Variants in ERBB4 observed in about 807,000 individuals in gnomAD.
The protein encoded by ERBB4 is receptor tyrosine-protein kinase erbB-4.
A neutral mutation model predicts 158.0 loss-of-function variants in ERBB4; 42 were observed. That is an observed-to-expected ratio of 0.27 (90% CI 0.21 to 0.34). ERBB4 has a LOEUF of 0.34. Among genes scored for constraint, ERBB4 ranks in the 10% least tolerant of loss-of-function variants. The pLI is 1.00. For synonymous variants in ERBB4, 583 were observed against 558.7 expected, an observed-to-expected ratio of 1.04 and a Z score of -0.61; for missense variants, 1,333 against 1,624.1, an observed-to-expected ratio of 0.82 and a Z score of 3.08.
chr2:211,852,939 T>C (rs537243234), intron 3 of ERBB4, among the ~76,000 whole-genome samples: 1 of 152,108 alleles, frequency 6.6e-6, no homozygotes, highest in East Asian at 1.9e-4. Flanking sequence ...TCATCACCTC[T>C]GGCATACTAT....
intron 2 of ERBB4, among the ~76,000 whole-genome samples, chr2:212,057,825 G>T (rs2077628697): frequency 6.6e-6 from 1 of 152,180 alleles, no homozygotes; most frequent in Admixed American, 6.5e-5. Context: ...ACAAGAGAAA[G>T]CAGGAAAGAT....
At chr2:212,135,181 T>C (rs1309157013) in intron 1 of ERBB4, among the ~76,000 whole-genome samples, 1 of 152,150 alleles carries the variant, frequency 6.6e-6, no homozygotes, top group Non-Finnish European at 1.5e-5. Context: ...TTTACCTCTT[T>C]TGTTGATTAC....
intron 20 of ERBB4, among the ~76,000 whole-genome samples, chr2:211,520,190 A>G (rs1421320007): frequency 2.0e-5 from 3 of 152,156 alleles, no homozygotes; most frequent in Non-Finnish European, 4.4e-5. Context: ...CAGTTCATTC[A>G]AAAGGAATGG....
chr2:211,838,939 T>C (rs1422642130), intron 3 of ERBB4, among the ~76,000 whole-genome samples: 1 of 152,042 alleles, frequency 6.6e-6, no homozygotes, highest in Non-Finnish European at 1.5e-5. Context: ...GAAATTTGCT[T>C]ACAGCAAGAA....
chr2:211,771,518 T>G (rs1346985825), intron 4 of ERBB4, among the ~76,000 whole-genome samples: 1 of 152,176 alleles, frequency 6.6e-6, no homozygotes, highest in Admixed American at 6.5e-5. Context: ...ATAAATAAAA[T>G]CTACTCATTA....
intron 12 of ERBB4, 107 bp from the exon 13 acceptor site, chr2:211,679,291 T>C (rs2072240248): frequency 3.0e-6 from 4 of 1,312,340 alleles, no homozygotes; most frequent in South Asian, 2.5e-5. Flanking sequence ...AAGAGATATA[T>C]GGCAAATGAC....
intron 2 of ERBB4, among the ~76,000 whole-genome samples, chr2:212,002,609 A>C (rs36059729): frequency 0.13 from 19,481 of 152,150 alleles, 1,817 homozygotes; most frequent in East Asian, 0.33. Flanking sequence ...CAACAAACAA[A>C]CAGTACTAAC....
intron 20 of ERBB4, among the ~76,000 whole-genome samples, chr2:211,450,290 C>T (rs1381767093): frequency 3.3e-5 from 5 of 152,004 alleles, no homozygotes. Context: ...GGAGGCCAGG[C>T]TCAGGATGTT....
intron 14 of ERBB4, among the ~76,000 whole-genome samples, chr2:211,672,793 C>A (rs1040904054): frequency 1.3e-5 from 2 of 152,154 alleles, no homozygotes; most frequent in African/African-American, 4.8e-5. Flanking sequence ...CAATTTCCAT[C>A]CCAAAGACAG....
At position 212,248,415 on chromosome 2, in the gene ERBB4, G is replaced by T. The variant is rs144673153; in HGVS notation, c.83-123512C>A. Among the ~76,000 whole-genome samples, 25 of 152,144 alleles carry T rather than the reference G, an allele frequency of 1.6e-4. No homozygotes were observed. In the East Asian group the frequency reaches 4.6e-3, roughly 28 times the overall value. ...TCTTGTCTAGAAAGAGTATATACTT[G>T]GTTTATGGCATGGCTATAATAAACG... is the stretch of plus-strand genomic sequence containing the variant. On this transcript the variant is annotated intron_variant, in intron 1 of 27. Transcript: ENST00000342788.
chr2:212,187,132 T>C (rs897864366), intron 1 of ERBB4, among the ~76,000 whole-genome samples: 10 of 152,110 alleles, frequency 6.6e-5, no homozygotes, highest in Non-Finnish European at 1.2e-4. Context: ...AACAGAGGCA[T>C]ATAGACTCAG....
Position 212,319,348 on chromosome 2 carries a change from G to C in ERBB4, c.83-194445C>G, listed in dbSNP as rs141788834. Among the ~76,000 whole-genome samples the C allele has an allele frequency of 7.3e-4, 105 of 144,108 alleles. 2 individuals are homozygous for C. The highest frequency in any genetic ancestry group is 2.5e-3 in the African/African-American group (101 of 40,818). The allele number at this position is 144,108 out of a possible 152,430, so 94.5% of individuals were successfully genotyped here. On this transcript the variant is annotated intron_variant, in intron 1 of 27. Transcript: ENST00000342788. The stretch of plus-strand genomic sequence containing the variant: ...TTCCAATTCACTTTTCCTGGGTTTA[G>C]TTTAACTGTTCTGGTTTGTTTGTTG...
intron 19 of ERBB4, among the ~76,000 whole-genome samples, chr2:211,592,526 G>T (rs2125795109): frequency 6.6e-6 from 1 of 152,256 alleles, no homozygotes; most frequent in East Asian, 1.9e-4. Flanking sequence ...AGCATCCAGT[G>T]AATGATTGAT....
In ERBB4 at chr2:211,701,756, C is replaced by CAAA. The variant is rs71409856; in HGVS notation, c.1489+208_1489+210dup. On this transcript the variant is annotated intron_variant, in intron 12 of 27. Transcript: ENST00000342788. ...GGGGCAACAGAGCGAGACTCCGTCT[C>CAAA]AAAAAAAAAAAAAAAAAAAAAAAAA... is the stretch of plus-strand genomic sequence containing the variant. Among the ~76,000 whole-genome samples the CAAA allele has an allele frequency of 7.1e-4, 47 of 66,630 alleles. 1 individual carries two copies. The highest frequency in any genetic ancestry group is 1.2e-3 in the East Asian group (2 of 1,662). The allele number at this position is 66,630 out of a possible 152,430, so 43.7% of individuals were successfully genotyped here.
At chr2:211,527,639 C>T in intron 20 of ERBB4, among the ~76,000 whole-genome samples, 1 of 152,028 alleles carries the variant, frequency 6.6e-6, no homozygotes, top group East Asian at 1.9e-4. Context: ...ATAATAACTA[C>T]AACAACTCTT....
At chr2:212,242,807 C>A (rs2084162811) in intron 1 of ERBB4, among the ~76,000 whole-genome samples, 1 of 152,140 alleles carries the variant, frequency 6.6e-6, no homozygotes, top group African/African-American at 2.4e-5. Context: ...GGAAGCTGTG[C>A]AGCTTGTTAC....
chr2:211,607,888 T>TTTTTTTTTTTTTTTTTTTTTTTTC (rs35895749), intron 19 of ERBB4, among the ~76,000 whole-genome samples: 1 of 118,864 alleles, frequency 8.4e-6, no homozygotes, highest in Non-Finnish European at 1.8e-5. Flanking sequence ...TTTTTTTTTT[T>TTTTTTTTTTTTTTTTTTTTTTTTC]AGACAGGGTC....
intron 3 of ERBB4, among the ~76,000 whole-genome samples, chr2:211,858,582 CA>C (rs1315554487): frequency 1.8e-5 from 2 of 113,042 alleles, no homozygotes; most frequent in Non-Finnish European, 3.9e-5. Context: ...TCATGGCTCA[CA>C]AAAAGCCATT....
At chr2:212,505,348 C>T (rs1439910555) in intron 1 of ERBB4, among the ~76,000 whole-genome samples, 1 of 152,162 alleles carries the variant, frequency 6.6e-6, no homozygotes, top group Admixed American at 6.5e-5. Context: ...CCATCCCCAT[C>T]GGCCTCCCAA....
Sources: allele counts gnomAD v4.1 joint callset (sites outside exome capture counted in the v4.1 genomes callset), GRCh38; gene constraint gnomAD v4.1.1; transcripts MANE v1.5; gene names NCBI Gene and HGNC (gene_info 2026-07-23, HGNC 2026-07-21).